The following MICALL1 variants were observed in gnomAD, a reference collection of about 807,000 sequenced individuals.
MICALL1 encodes MICAL-like protein 1.
Under a neutral mutation model 83.7 loss-of-function variants are expected in MICALL1, and 61 were observed. The observed-to-expected ratio is 0.73, with a 90% CI of 0.59 to 0.90. MICALL1 has a LOEUF of 0.90. MICALL1 is among the 40% of genes least tolerant of loss of function. The probability of loss-of-function intolerance (pLI) is 0.00; values close to 1 mark genes in which losing one functional copy is unlikely to be tolerated. For missense variants in MICALL1, 1,066 were observed against 1,152.0 expected, an observed-to-expected ratio of 0.93 and a Z score of 1.08; for synonymous variants, 481 against 473.6, an observed-to-expected ratio of 1.02 and a Z score of -0.20.
chr22:37,909,060 T>G (rs1367861133), intron 1 of MICALL1, among the ~76,000 whole-genome samples: 1 of 152,060 alleles, frequency 6.6e-6, no homozygotes, highest in Admixed American at 6.6e-5. Context: ...TTTTTTGTTT[T>G]TGTTTTTGTT....
In MICALL1 at chr22:37,912,488, C is replaced by T; in HGVS notation, c.333C>T (p.Gly111=). ...ATTACAACCACTTCTGCAGTCCTGG[C>T]CAAGGTGAGAGGGGGACTCAGCGTT... ...SQYYNHFCSP[G]QAGVSPPRKG... is the part of the protein sequence containing the mutation. The change falls in exon 3 of 16, where the codon GGC becomes GGT. Residue 111 remains glycine, a synonymous_variant. Transcript: ENST00000215957. 6.2e-7 allele frequency: 1 copy of T among 1,605,158 alleles called. No homozygotes were observed. The highest frequency in any genetic ancestry group is 8.5e-7 in the Non-Finnish European group (1 of 1,173,372).
chr22:37,912,471 C>A lies in MICALL1; in HGVS notation c.316C>A (p.His106Asn). Residue 106 changes from histidine (H) to asparagine (N), a missense_variant, in exon 3 of 16, where the codon CAC becomes AAC. His to Asn is a moderately conservative substitution (Grantham distance 68). Transcript: ENST00000215957. ...GACCTATGTGTCCCAGTATTACAACCACTTCTGCAGTCCTGGCCAAGGTGA... is the reference window on the plus strand; with the variant it reads ...GACCTATGTGTCCCAGTATTACAACAACTTCTGCAGTCCTGGCCAAGGTGA... The part of the protein sequence containing the change: ...IMTYVSQYYN[H>N]FCSPGQAGVS... The A allele has an allele frequency of 6.2e-7, 1 of 1,613,042 alleles. No individual in the cohort carries two copies. Among genetic ancestry groups the A allele is most frequent in the Admixed American group, 1.7e-5 (1 of 59,962 alleles).
intron 3 of MICALL1, among the ~76,000 whole-genome samples, chr22:37,914,450 T>C (rs940489531): frequency 6.9e-6 from 1 of 144,988 alleles, no homozygotes; most frequent in Non-Finnish European, 1.5e-5. Flanking sequence ...TGGTCTCGAA[T>C]TCCTGACCTC....
At chr22:37,929,115 GA>G (rs144704576) in intron 9 of MICALL1, among the ~76,000 whole-genome samples, 7 of 147,618 alleles carry the variant, frequency 4.7e-5, no homozygotes, top group Non-Finnish European at 7.5e-5. Flanking sequence ...CTCTGTCTCA[GA>G]AAAAAAAAAG....
In MICALL1 at chr22:37,941,282, GTC is replaced by G. The variant is rs545203285; in HGVS notation, c.*456_*457del. 1 of 169,950 alleles carries G rather than the reference GTC, an allele frequency of 5.9e-6. No individual in the cohort carries two copies. Among genetic ancestry groups the G allele is most frequent in the Admixed American group, 5.6e-5 (1 of 17,906 alleles). 10.5% of individuals were successfully genotyped at this position (169,950 alleles called of 1,614,324 possible). On this transcript the variant is annotated 3_prime_UTR_variant, in exon 16 of 16. Transcript: ENST00000215957. The stretch of plus-strand genomic sequence containing the variant: ...CTTCCTGCCCCATCCCTGGCTCTGA[GTC>G]TCTGTCTTCCTGTCCTGTGCAGGCG...
At position 37,941,013 on chromosome 22, in the gene MICALL1, CTT is replaced by C. The variant is rs1930407480; in HGVS notation, c.*184_*185del. On this transcript the variant is annotated 3_prime_UTR_variant, in exon 16 of 16. Coordinates refer to ENST00000215957, the MANE Select transcript of MICALL1 (RefSeq NM_033386.4). ...CTGACTGCTCTGGGCCAAAGAATCT[CTT>C]GTTTCTTCTCCGAGCCCCAGGCAGC... 12 of 674,492 alleles carry C rather than the reference CTT, an allele frequency of 1.8e-5. No individual in the cohort carries two copies. The highest frequency in any genetic ancestry group is 6.2e-5 in the Admixed American group (2 of 32,380). 41.8% of individuals were successfully genotyped at this position (674,492 alleles called of 1,614,324 possible). A position where few individuals can be genotyped will look rare whatever the true frequency, so the allele number is the denominator to read the frequency against.
At chr22:37,926,125 G>C (rs1351209507) in intron 8 of MICALL1, 82 bp downstream of exon 8, 25 of 1,458,490 alleles carry the variant, frequency 1.7e-5, no homozygotes, top group Non-Finnish European at 1.4e-5. Context: ...TGGTGGGGCA[G>C]AGCCTACCAG....
Position 37,912,488 on chromosome 22 carries a change from C to A in MICALL1, c.333C>A (p.Gly111=). ...ATTACAACCACTTCTGCAGTCCTGG[C>A]CAAGGTGAGAGGGGGACTCAGCGTT... ...SQYYNHFCSP[G]QAGVSPPRKG... The change falls in exon 3 of 16, where the codon GGC becomes GGA. Residue 111 remains glycine (G), a synonymous_variant. Coordinates refer to ENST00000215957, the MANE Select transcript of MICALL1 (RefSeq NM_033386.4). 1 of 1,605,158 alleles carries A rather than the reference C, an allele frequency of 6.2e-7. No individual in the cohort carries two copies.
intron 3 of MICALL1, among the ~76,000 whole-genome samples, 169 bp downstream of exon 3, chr22:37,912,661 C>CA (rs1194525421): frequency 6.6e-6 from 1 of 151,274 alleles, no homozygotes; most frequent in Non-Finnish European, 1.5e-5. Flanking sequence ...TTTTTTGAGA[C>CA]AGAGTTTCGC....
At position 37,906,576 on chromosome 22, in the gene MICALL1, CG is replaced by C; in HGVS notation, c.146+12del. On this transcript the variant is annotated intron_variant, in intron 1 of 15. Transcript: ENST00000215957. This position sits in a 1 kb window ranked among gnomAD's most constrained non-coding sequence, Gnocchi z 4.4. ...GCACCGGCCCGACCTGCTGTGAGTG[CG>C]GGGCCCCGGGCGAGCGGGCGGCGCG... is the stretch of plus-strand genomic sequence containing the variant. 1.8e-6 allele frequency: 2 copies of C among 1,138,528 alleles called. No homozygotes were observed. The highest frequency in any genetic ancestry group is 1.1e-6 in the Non-Finnish European group (1 of 924,098). The allele number at this position is 1,138,528 out of a possible 1,614,324, so 70.5% of individuals were successfully genotyped here.
chr22:37,928,982 G>A (rs905666542), intron 9 of MICALL1, among the ~76,000 whole-genome samples: 1 of 152,174 alleles, frequency 6.6e-6, no homozygotes, highest in African/African-American at 2.4e-5. Flanking sequence ...AATTAGCCAG[G>A]TGTGGTGGCA....
At chr22:37,910,606 T>C (rs1928255766) in intron 1 of MICALL1, among the ~76,000 whole-genome samples, 1 of 152,140 alleles carries the variant, frequency 6.6e-6, no homozygotes. Flanking sequence ...AGGGAGCTGG[T>C]GCCCAGACAT....
At chr22:37,914,754 A>G (rs185792220) in intron 3 of MICALL1, among the ~76,000 whole-genome samples, 3 of 151,210 alleles carry the variant, frequency 2.0e-5, no homozygotes, top group Non-Finnish European at 4.4e-5. Context: ...TGATCCTCCT[A>G]TCTCAGCCTA....
rs1930473905 is a variant in MICALL1 at position 37,942,296 on chromosome 22, C to T, written c.*1466C>T. On this transcript the variant is annotated 3_prime_UTR_variant, in exon 16 of 16. Coordinates refer to ENST00000215957, the MANE Select transcript of MICALL1 (RefSeq NM_033386.4). Reference sequence around the variant, plus strand: ...TTTCCAGGGCCAGACAGGTAACACGCATGAACCCGAGTGACAGCTCTGACG... The same window carrying T: ...TTTCCAGGGCCAGACAGGTAACACGTATGAACCCGAGTGACAGCTCTGACG... The T allele has an allele frequency of 6.6e-6, 1 of 152,240 alleles. No individual in the cohort carries two copies. The allele number at this position is 152,240 out of a possible 1,614,324, so 9.4% of individuals were successfully genotyped here.
intron 4 of MICALL1, 43 bp from the exon 5 acceptor site, chr22:37,918,993 G>A: frequency 6.6e-7 from 1 of 1,513,056 alleles, no homozygotes; most frequent in Non-Finnish European, 8.9e-7. Context: ...GATGGCTGGT[G>A]ACCATGTCCT....
intron 13 of MICALL1, among the ~76,000 whole-genome samples, chr22:37,936,688 C>T (rs995266328): frequency 1.1e-4 from 17 of 152,224 alleles, no homozygotes; most frequent in African/African-American, 2.4e-4. Context: ...GTCAGGAGAT[C>T]GAGACCATCC....
chr22:37,937,418 CTTTT>C (rs34844677), intron 14 of MICALL1, among the ~76,000 whole-genome samples: 5 of 113,400 alleles, frequency 4.4e-5, no homozygotes, highest in African/African-American at 1.6e-4. Context: ...GCTGCCGCTG[CTTTT>C]TTTTTTTTTT....
In MICALL1 at chr22:37,940,840, A is replaced by C. The variant is rs1381469115; in HGVS notation, c.*10A>C. The C allele has an allele frequency of 6.2e-7, 1 of 1,613,428 alleles. No individual in the cohort carries two copies. Among genetic ancestry groups the C allele is most frequent in the South Asian group, 1.1e-5 (1 of 91,066 alleles). ...CAGAGACAAGAGCTAACAGCACGAGAAGCCAGTTGGGGACTGCCCCCTCCT... is the reference window on the plus strand; with the variant it reads ...CAGAGACAAGAGCTAACAGCACGAGCAGCCAGTTGGGGACTGCCCCCTCCT... On this transcript the variant is annotated 3_prime_UTR_variant, in exon 16 of 16. Transcript: ENST00000215957.
intron 9 of MICALL1, 109 bp from the exon 10 acceptor site, chr22:37,931,690 G>A (rs1929793672): frequency 8.2e-6 from 11 of 1,338,036 alleles, no homozygotes; most frequent in Admixed American, 2.0e-5. Context: ...CCTGGGTCCT[G>A]CTGGCCCTGG....
Sources: gnomAD v4.1 joint callset for allele counts (sites outside exome capture counted in the v4.1 genomes callset) on GRCh38, gnomAD v4.1.1 for gene constraint, Gnocchi (gnomAD v3.1) non-coding constraint, MANE v1.5 for transcripts, NCBI Gene and HGNC (gene_info 2026-07-23, HGNC 2026-07-21) for gene names.